RASA3: variants seen among roughly 807,000 people sequenced by gnomAD.
RASA3 encodes the protein RAS p21 protein activator 3, also known as ras GTPase-activating protein 3.
Under a neutral mutation model 110.0 loss-of-function variants are expected in RASA3, and 73 were observed. The ratio of observed to expected loss-of-function variants is 0.66; its 90% CI spans 0.55 to 0.81. The LOEUF (loss-of-function observed/expected upper bound fraction) is 0.81, where lower values mean the gene tolerates loss of function less well. Ranked by LOEUF, RASA3 falls within the 30% of genes least tolerant of loss-of-function variation. The probability of loss-of-function intolerance (pLI) is 0.00; values close to 1 mark genes in which losing one functional copy is unlikely to be tolerated. For missense variants in RASA3, 976 were observed against 1,113.2 expected (o/e 0.88, Z 1.75); for synonymous variants, 500 against 451.4 (o/e 1.11, Z -1.37).
rs559501389 is a variant in RASA3 at position 114,011,368 on chromosome 13, A to G, written c.1513-120T>C. ...AGCTGCTGTGGCTTGTGCATGAGCT[A>G]CGGAGAAACAGGGGTAGCGACGCAG... On this transcript the variant is annotated intron_variant, in intron 15 of 23. Transcript: ENST00000334062. This position sits in a 1 kb window ranked among gnomAD's most constrained non-coding sequence, Gnocchi z 4.8. 4.2e-4 allele frequency: 369 copies of G among 878,032 alleles called. 4 individuals carry two copies. The East Asian group carries it at 9.4e-3, about 22-fold the overall frequency. The allele number at this position is 878,032 out of a possible 1,614,324, so 54.4% of individuals were successfully genotyped here.
At chr13:114,058,450 A>G (rs1239526434) in intron 2 of RASA3, among the ~76,000 whole-genome samples, 3 of 152,376 alleles carry the variant, frequency 2.0e-5, no homozygotes, top group East Asian at 1.9e-4. Context: ...ACTTGTGGTC[A>G]CCAGACCGGA....
intron 2 of RASA3, among the ~76,000 whole-genome samples, chr13:114,058,539 C>T (rs1309227914): frequency 6.6e-6 from 1 of 152,242 alleles, no homozygotes; most frequent in African/African-American, 2.4e-5. Context: ...AACACGGTGT[C>T]CACTTGAGGG....
chr13:114,010,605 AGC>A (rs2053610584), intron 16 of RASA3, among the ~76,000 whole-genome samples: 4 of 58,656 alleles, frequency 6.8e-5, no homozygotes, highest in African/African-American at 6.8e-5. Context: ...TGGGGAGGGG[AGC>A]GCCACGTTGG....
intron 4 of RASA3, among the ~76,000 whole-genome samples, chr13:114,032,682 G>A (rs1168955928): frequency 4.3e-4 from 57 of 131,040 alleles, no homozygotes; most frequent in Non-Finnish European, 2.8e-4. Flanking sequence ...CACGTTCCAC[G>A]GCACCCCCAC....
rs1288452671 is a variant in RASA3, at chr13:114,114,738, C to T, written c.55+17697G>A. On this transcript the variant is annotated intron_variant, in intron 1 of 23. Transcript: ENST00000334062. The surrounding 1 kb of genome is among the most constrained non-coding windows in gnomAD (Gnocchi z 4.8). ...TGTGGGCAGGGTTTCAGTGTAAACC[C>T]GAGGGCAGGTTAAACACGCTCCCTC... 1.3e-5 allele frequency among the ~76,000 whole-genome samples: 2 copies of T among 152,166 alleles called. No individual in the cohort carries two copies. Among genetic ancestry groups the T allele is most frequent in the South Asian group, 2.1e-4 (1 of 4,824 alleles).
chr13:114,008,032 C>G (rs547685977), intron 17 of RASA3, among the ~76,000 whole-genome samples: 1 of 13,258 alleles, frequency 7.5e-5, no homozygotes, highest in Non-Finnish European at 1.3e-4. Flanking sequence ...ATATTCCCCC[C>G]ACGCACCGCG....
rs112880339 is a variant in RASA3 at position 114,055,327 on chromosome 13, C to G, written c.174-3172G>C. On this transcript the variant is annotated intron_variant, in intron 2 of 23. Transcript: ENST00000334062. ...CCCACACAATGCGCTGCTTTCATAA[C>G]AAGGCGCAGGGGTCGTGACCCTGCC... is the stretch of plus-strand genomic sequence containing the variant. 3.9e-5 allele frequency among the ~76,000 whole-genome samples: 6 copies of G among 152,366 alleles called. 1 individual carries two copies. Among genetic ancestry groups the G allele is most frequent in the African/African-American group, 1.4e-4 (6 of 41,588 alleles).
chr13:114,068,177 G>T (rs765615711), intron 2 of RASA3, among the ~76,000 whole-genome samples: 4 of 152,230 alleles, frequency 2.6e-5, no homozygotes, highest in Non-Finnish European at 5.9e-5. Flanking sequence ...AGATGGGCAT[G>T]CAAATGAACC....
intron 12 of RASA3, among the ~76,000 whole-genome samples, chr13:114,016,561 G>C (rs1288844458): frequency 6.6e-6 from 1 of 152,234 alleles, no homozygotes; most frequent in East Asian, 1.9e-4. Flanking sequence ...ACTAGGCACG[G>C]GGCCCAGTCC....
chr13:114,066,800 C>G (rs959322574), intron 2 of RASA3, among the ~76,000 whole-genome samples: 1 of 152,230 alleles, frequency 6.6e-6, no homozygotes, highest in Non-Finnish European at 1.5e-5. Context: ...GGGGGTCATA[C>G]AGACAGGACC....
chr13:114,043,002 C>T (rs1423306901), intron 3 of RASA3, among the ~76,000 whole-genome samples: 3 of 152,226 alleles, frequency 2.0e-5, no homozygotes, highest in African/African-American at 2.4e-5. Context: ...GGTCCCAGGA[C>T]GCATCTTCCC....
chr13:114,130,538 C>T lies in RASA3; in HGVS notation c.55+1897G>A, dbSNP rs111279901. ...AGGGATCCTCCAGGGTGCCTGACCC[C>T]CACGCCTGTCGGAAGTGGGGCCGAG... is the stretch of plus-strand genomic sequence containing the variant. On this transcript the variant is annotated intron_variant, in intron 1 of 23. Transcript: ENST00000334062. 3.3e-3 allele frequency among the ~76,000 whole-genome samples: 509 copies of T among 152,364 alleles called. 4 individuals carry two copies. Among genetic ancestry groups the T allele is most frequent in the African/African-American group, 0.011 (478 of 41,586 alleles).
chr13:114,013,673 C>G (rs2053702628), intron 14 of RASA3, among the ~76,000 whole-genome samples: 1 of 116,660 alleles, frequency 8.6e-6, no homozygotes, highest in Non-Finnish European at 1.7e-5. Context: ...TGTCCCTCTC[C>G]CTGTCTCTCT....
At chr13:114,013,385 C>CTCCCTCTCTCTGTT (rs998621740) in intron 14 of RASA3, 137 bp from the exon 15 acceptor site, 1 of 604,350 alleles carries the variant, frequency 1.7e-6, no homozygotes, top group Admixed American at 3.0e-5. Context: ...GTCTGTCTCT[C>CTCCCTCTCTCTGTT]TCCCTCTCTC....
chr13:114,097,384 G>A (rs1446964600), intron 1 of RASA3, among the ~76,000 whole-genome samples: 4 of 152,228 alleles, frequency 2.6e-5, no homozygotes, highest in Admixed American at 2.6e-4. Context: ...GGCGCCAGGA[G>A]CAAACACCCA....
intron 3 of RASA3, among the ~76,000 whole-genome samples, chr13:114,051,732 CCCCCCACAGAT>C (rs1439970374): frequency 1.3e-5 from 2 of 150,058 alleles, no homozygotes; most frequent in Non-Finnish European, 3.0e-5. Flanking sequence ...ATGCAAAGGT[CCCCCCACAGAT>C]GCCCCGGGGA....
At chr13:114,075,258 C>T (rs2079649530) in intron 1 of RASA3, among the ~76,000 whole-genome samples, 1 of 152,186 alleles carries the variant, frequency 6.6e-6, no homozygotes, top group African/African-American at 2.4e-5. Flanking sequence ...GTCAACTCAG[C>T]AAGCGCACAC....
intron 12 of RASA3, 88 bp from the exon 13 acceptor site, chr13:114,016,359 T>C: frequency 2.0e-6 from 2 of 992,560 alleles, no homozygotes; most frequent in Non-Finnish European, 3.2e-6. Flanking sequence ...CTGGCTGAGA[T>C]GTAGACCCTG....
intron 3 of RASA3, among the ~76,000 whole-genome samples, chr13:114,046,103 C>T (rs1400400371): frequency 6.6e-6 from 1 of 152,204 alleles, no homozygotes; most frequent in Non-Finnish European, 1.5e-5. Context: ...CAATTCAAAG[C>T]ATCTAGAATA....
Sources: gnomAD v4.1 joint callset for allele counts (sites outside exome capture counted in the v4.1 genomes callset) on GRCh38, gnomAD v4.1.1 for gene constraint, Gnocchi (gnomAD v3.1) non-coding constraint, MANE v1.5 for transcripts, NCBI Gene and HGNC (gene_info 2026-07-23, HGNC 2026-07-21) for gene names.